The following IMMP2L variants were observed in gnomAD, a reference collection of about 807,000 sequenced individuals.
IMMP2L encodes the protein inner mitochondrial membrane peptidase subunit 2.
In IMMP2L, 18 loss-of-function variants were observed where a neutral mutation model predicts 19.3. The ratio of observed to expected loss-of-function variants is 0.93; its 90% CI spans 0.64 to 1.38. IMMP2L has a LOEUF of 1.38. IMMP2L is among the 40% of genes most tolerant of loss of function. The probability of loss-of-function intolerance (pLI) is 0.00; values close to 1 mark genes in which losing one functional copy is unlikely to be tolerated. For missense variants in IMMP2L, 233 were observed against 218.2 expected (o/e 1.07, Z -0.43); for synonymous variants, 76 against 73.0 (o/e 1.04, Z -0.21).
intron 3 of IMMP2L, among the ~76,000 whole-genome samples, chr7:111,460,760 C>G (rs1248186859): frequency 6.6e-6 from 1 of 151,848 alleles, no homozygotes; most frequent in African/African-American, 2.4e-5. Flanking sequence ...TATCACAATT[C>G]AAGATTACTG....
chr7:111,493,825 G>A (rs1477781942), intron 2 of IMMP2L, among the ~76,000 whole-genome samples: 4 of 151,548 alleles, frequency 2.6e-5, no homozygotes, highest in South Asian at 4.2e-4. Context: ...GGCTCAACAC[G>A]GTGAAACCCC....
chr7:111,437,703 C>T (rs1837320487), intron 3 of IMMP2L, among the ~76,000 whole-genome samples: 1 of 151,878 alleles, frequency 6.6e-6, no homozygotes, highest in African/African-American at 2.4e-5. Flanking sequence ...CTATTTTTAT[C>T]TGATATATTC....
At position 111,048,787 on chromosome 7, in the gene IMMP2L, C is replaced by T. The variant is rs545768123; in HGVS notation, c.240-85222G>A. ...AGAGCAGGATATTAGGAAGAAGTGACCATAAATAAATTCATTTAAATAACT... is the reference window on the plus strand; with the variant it reads ...AGAGCAGGATATTAGGAAGAAGTGATCATAAATAAATTCATTTAAATAACT... On this transcript the variant is annotated intron_variant, in intron 3 of 5. Transcript: ENST00000405709. 3.9e-5 allele frequency among the ~76,000 whole-genome samples: 6 copies of T among 152,178 alleles called. No homozygotes were observed. In the South Asian group the frequency reaches 1.2e-3, roughly 32 times the overall value.
chr7:111,149,639 G>A (rs988399036), intron 3 of IMMP2L, among the ~76,000 whole-genome samples: 36 of 152,048 alleles, frequency 2.4e-4, no homozygotes, highest in African/African-American at 8.0e-4. Context: ...TGTTGCAAAT[G>A]TCCAAAAAAT....
chr7:111,450,020 T>G (rs1196106006), intron 3 of IMMP2L, among the ~76,000 whole-genome samples: 4 of 150,948 alleles, frequency 2.6e-5, no homozygotes, highest in African/African-American at 7.4e-5. Context: ...GAAGCACCTC[T>G]TCAAGGAGAA....
chr7:110,731,733 A>G (rs1251376478), intron 5 of IMMP2L, among the ~76,000 whole-genome samples: 3 of 152,238 alleles, frequency 2.0e-5, no homozygotes, highest in South Asian at 4.1e-4. Flanking sequence ...CAAATTTTAT[A>G]GTAATTATTT....
chr7:110,832,432 C>T (rs1447947052), intron 5 of IMMP2L, among the ~76,000 whole-genome samples: 2 of 152,146 alleles, frequency 1.3e-5, no homozygotes, highest in African/African-American at 4.8e-5. Context: ...CACATTCCTT[C>T]TCTTCTAGCC....
At chr7:111,329,753 T>A (rs1825695897) in intron 3 of IMMP2L, among the ~76,000 whole-genome samples, 1 of 151,572 alleles carries the variant, frequency 6.6e-6, no homozygotes, top group Non-Finnish European at 1.5e-5. Context: ...CAAAAGAAAA[T>A]TTAAAAATTG....
At chr7:110,765,225 A>G (rs1798587788) in intron 5 of IMMP2L, among the ~76,000 whole-genome samples, 1 of 152,198 alleles carries the variant, frequency 6.6e-6, no homozygotes, top group Non-Finnish European at 1.5e-5. Context: ...CTCATAAAAT[A>G]TTCTATGCCT....
At chr7:111,014,936 C>G (rs761858115) in intron 3 of IMMP2L, among the ~76,000 whole-genome samples, 3 of 152,118 alleles carry the variant, frequency 2.0e-5, no homozygotes, top group Non-Finnish European at 4.4e-5. Flanking sequence ...AGAATTGGAG[C>G]CCTGGTGCCC....
intron 3 of IMMP2L, among the ~76,000 whole-genome samples, chr7:111,430,601 G>A (rs928539333): frequency 5.0e-4 from 76 of 151,474 alleles, no homozygotes; most frequent in Non-Finnish European, 7.4e-5. Flanking sequence ...AATTAAGCAG[G>A]GCAAATATAA....
chr7:111,194,727 T>A (rs544996190), intron 3 of IMMP2L, among the ~76,000 whole-genome samples: 27 of 152,282 alleles, frequency 1.8e-4, no homozygotes, highest in Admixed American at 1.3e-3. Flanking sequence ...CAGTATTGCT[T>A]TATAAAATTT....
At position 110,840,114 on chromosome 7, in the gene IMMP2L, G is replaced by C. The variant is rs118120148; in HGVS notation, c.408+46479C>G. 4.4e-4 allele frequency among the ~76,000 whole-genome samples: 67 copies of C among 152,202 alleles called. No individual in the cohort carries two copies. The East Asian group carries it at 0.01, about 24-fold the overall frequency. On this transcript the variant is annotated intron_variant, in intron 5 of 5. Transcript: ENST00000405709. The stretch of plus-strand genomic sequence containing the variant: ...TGGCAGAAGTCCAGGTTCCTTGAAC[G>C]GTCACAGCTGCTGCTAGAAGTTCCC...
intron 5 of IMMP2L, among the ~76,000 whole-genome samples, chr7:110,868,511 A>T (rs1403446326): frequency 5.3e-5 from 8 of 152,092 alleles, no homozygotes; most frequent in Admixed American, 2.6e-4. Context: ...AATTTATCAC[A>T]TATTTTATTC....
At chr7:110,747,894 C>G (rs1300723874) in intron 5 of IMMP2L, among the ~76,000 whole-genome samples, 4 of 152,074 alleles carry the variant, frequency 2.6e-5, no homozygotes. Context: ...GAAGTTCTGG[C>G]CAGGGCAATC....
intron 3 of IMMP2L, among the ~76,000 whole-genome samples, chr7:111,335,486 G>C (rs921742394): frequency 1.3e-5 from 2 of 152,066 alleles, no homozygotes; most frequent in South Asian, 2.1e-4. Flanking sequence ...ATAGGTAAAA[G>C]TTATCAACGT....
At chr7:110,971,609 T>C (rs1172392228) in intron 3 of IMMP2L, among the ~76,000 whole-genome samples, 1 of 152,168 alleles carries the variant, frequency 6.6e-6, no homozygotes, top group Admixed American at 6.6e-5. Flanking sequence ...TAATTTGTTT[T>C]GAGTTGCCTC....
chr7:111,537,327 CTCTA>C (rs1202165824), intron 1 of IMMP2L, among the ~76,000 whole-genome samples: 1 of 152,078 alleles, frequency 6.6e-6, no homozygotes, highest in African/African-American at 2.4e-5. Context: ...CAGAGAATGA[CTCTA>C]TCATCCAAAC....
At chr7:111,409,808 A>C (rs1472313805) in intron 3 of IMMP2L, among the ~76,000 whole-genome samples, 1 of 151,776 alleles carries the variant, frequency 6.6e-6, no homozygotes, top group Non-Finnish European at 1.5e-5. Flanking sequence ...CAAAATATAT[A>C]AAGCTATTTC....
Sources: gnomAD v4.1 joint callset for allele counts (sites outside exome capture counted in the v4.1 genomes callset) on GRCh38, gnomAD v4.1.1 for gene constraint, MANE v1.5 for transcripts, NCBI Gene and HGNC (gene_info 2026-07-23, HGNC 2026-07-21) for gene names.